The following MINDY2 variants were observed in gnomAD, a reference collection of about 807,000 sequenced individuals.
MINDY2 encodes the protein MINDY lysine 48 deubiquitinase 2.
In MINDY2, 52 loss-of-function variants were observed where a neutral mutation model predicts 68.2. That is an observed-to-expected ratio of 0.76 (90% CI 0.61 to 0.96). The LOEUF is 0.96. Ranked by LOEUF, MINDY2 falls within the 40% of genes least tolerant of loss-of-function variation. MINDY2 has a pLI of 0.00. For missense variants in MINDY2, 881 were observed against 773.4 expected, an observed-to-expected ratio of 1.14 and a Z score of -1.65; for synonymous variants, 372 against 303.0, an observed-to-expected ratio of 1.23 and a Z score of -2.36.
At chr15:58,845,022 A>ATAT (rs1344744383) in intron 6 of MINDY2, among the ~76,000 whole-genome samples, 1 of 152,010 alleles carries the variant, frequency 6.6e-6, no homozygotes, top group Non-Finnish European at 1.5e-5. Context: ...AGAACATATA[A>ATAT]GGAGCTCAAA....
chr15:58,821,723 G>A lies in MINDY2; in HGVS notation c.1129G>A (p.Asp377Asn). 6.4e-7 allele frequency: 1 copy of A among 1,563,338 alleles called. No individual in the cohort carries two copies. The highest frequency in any genetic ancestry group is 8.6e-7 in the Non-Finnish European group (1 of 1,161,124). Residue 377 changes from aspartate to asparagine, a missense_variant, in exon 5 of 9, where the codon GAC (aspartate) becomes AAC (asparagine). Physicochemically the swap from Asp to Asn is conservative, Grantham distance 23. Coordinates refer to ENST00000559228, the MANE Select transcript of MINDY2 (RefSeq NM_001040450.3). ...ACAGTCATTTGTTTTCTAGATTGAT[G>A]ACATTGTAAAAGCTGTTGGTAACTG... is the stretch of plus-strand genomic sequence containing the variant. ...HGWLVDPQIDDIVKAVGNCSY... is the reference protein window; with the variant it reads ...HGWLVDPQIDNIVKAVGNCSY...
chr15:58,771,446 C>T lies in MINDY2; in HGVS notation c.51C>T (p.Ala17=), dbSNP rs1361042514. 1.9e-6 allele frequency: 3 copies of T among 1,612,276 alleles called. No homozygotes were observed. The change falls in exon 1 of 9, where the codon GCC becomes GCT. Residue 17 remains alanine, a synonymous_variant. Transcript: ENST00000559228. ...AGCCGCTAGAACACGGGGTGGCGGC[C>T]GGGCCAGCGTCAGGGACAGGTTCTT... ...SLQPLEHGVA[A]GPASGTGSSQ...
intron 2 of MINDY2, among the ~76,000 whole-genome samples, chr15:58,796,666 G>T (rs1251825195): frequency 6.6e-6 from 1 of 152,156 alleles, no homozygotes; most frequent in East Asian, 1.9e-4. Flanking sequence ...TGGGATTATA[G>T]GCACCGCCAC....
chr15:58,826,615 G>A (rs990263359), intron 5 of MINDY2, among the ~76,000 whole-genome samples: 5 of 152,078 alleles, frequency 3.3e-5, no homozygotes, highest in African/African-American at 9.7e-5. Flanking sequence ...TGTCTCCTAA[G>A]AACAAGGAAT....
rs1296836613 is a variant in MINDY2, at chr15:58,786,284, G to T, written c.841-1622G>T. 1.3e-5 allele frequency among the ~76,000 whole-genome samples: 2 copies of T among 152,170 alleles called. 1 individual carries two copies. The highest frequency in any genetic ancestry group is 2.9e-5 in the Non-Finnish European group (2 of 68,018). ...ATTGCTGATTTAAAGGATTTCTTTG[G>T]ATGAACACAAAATAATTGGTGAAGA... On this transcript the variant is annotated intron_variant, in intron 1 of 8. Transcript: ENST00000559228.
At chr15:58,795,754 A>G (rs1373583137) in intron 2 of MINDY2, among the ~76,000 whole-genome samples, 3 of 150,194 alleles carry the variant, frequency 2.0e-5, no homozygotes, top group African/African-American at 7.4e-5. Context: ...ATAAACCATT[A>G]TAGTGTCTAA....
intron 7 of MINDY2, among the ~76,000 whole-genome samples, chr15:58,850,482 G>A (rs1443172979): frequency 6.6e-6 from 1 of 152,130 alleles, no homozygotes; most frequent in Admixed American, 6.5e-5. Flanking sequence ...TGATATTATG[G>A]TGATTTAAAC....
intron 5 of MINDY2, among the ~76,000 whole-genome samples, chr15:58,822,744 A>G (rs1427444092): frequency 7.9e-5 from 12 of 152,194 alleles, no homozygotes; most frequent in African/African-American, 2.9e-4. Context: ...AAGGCATAGC[A>G]TGTAGATATA....
intron 6 of MINDY2, among the ~76,000 whole-genome samples, chr15:58,839,943 G>A (rs576614728): frequency 1.3e-5 from 2 of 150,210 alleles, no homozygotes; most frequent in African/African-American, 4.9e-5. Context: ...AGCAATTCTC[G>A]TGCCTCAGCC....
chr15:58,800,055 G>A (rs868035165), intron 2 of MINDY2, among the ~76,000 whole-genome samples: 9 of 152,274 alleles, frequency 5.9e-5, no homozygotes, highest in East Asian at 3.8e-4. Flanking sequence ...GCTATAAAGC[G>A]AGGTCAATGT....
At chr15:58,821,597 C>T (rs2031064140) in intron 4 of MINDY2, 120 bp from the exon 5 acceptor site, 8 of 440,042 alleles carry the variant, frequency 1.8e-5, no homozygotes, top group Non-Finnish European at 2.8e-5. Context: ...TTTTGTTTTT[C>T]GTAAATAATA....
intron 5 of MINDY2, among the ~76,000 whole-genome samples, chr15:58,827,327 G>A (rs1314269469): frequency 6.6e-6 from 1 of 152,128 alleles, no homozygotes; most frequent in East Asian, 1.9e-4. Context: ...GCCTGAATCA[G>A]TTATTACTGT....
chr15:58,841,072 C>G (rs1174250175), intron 6 of MINDY2, among the ~76,000 whole-genome samples: 1 of 151,582 alleles, frequency 6.6e-6, no homozygotes, highest in Non-Finnish European at 1.5e-5. Context: ...ACCTCTGCCT[C>G]CCGGGTTCAA....
At chr15:58,791,331 G>T (rs1449898583) in intron 2 of MINDY2, among the ~76,000 whole-genome samples, 2 of 148,970 alleles carry the variant, frequency 1.3e-5, no homozygotes, top group Non-Finnish European at 3.0e-5. Flanking sequence ...TTCTGTATCT[G>T]TGCTGTCCAG....
intron 2 of MINDY2, among the ~76,000 whole-genome samples, chr15:58,799,155 A>G (rs1418186296): frequency 1.3e-5 from 2 of 152,256 alleles, no homozygotes; most frequent in Non-Finnish European, 2.9e-5. Flanking sequence ...TGCCTCACCA[A>G]AAGTAAACTT....
In MINDY2 at chr15:58,851,879, G is replaced by A; in HGVS notation, c.1651G>A (p.Glu551Lys). The A allele has an allele frequency of 6.2e-7, 1 of 1,613,626 alleles. No homozygotes were observed. Among genetic ancestry groups the A allele is most frequent in the Non-Finnish European group, 8.5e-7 (1 of 1,179,868 alleles). The stretch of plus-strand genomic sequence containing the variant: ...TTTGGAACTAGCAAAGAAACTCCAA[G>A]AGGAAGAGGACAGACGGGCTTCTCA... ...SDLELAKKLQEEEDRRASQYY... is the reference protein window; with the variant it reads ...SDLELAKKLQKEEDRRASQYY... The change falls in exon 8 of 9, where the codon GAG becomes AAG. Residue 551 changes from glutamate to lysine, a missense_variant. Coordinates refer to ENST00000559228, the MANE Select transcript of MINDY2 (RefSeq NM_001040450.3).
intron 8 of MINDY2, among the ~76,000 whole-genome samples, chr15:58,853,592 A>G (rs2032936048): frequency 6.6e-6 from 1 of 151,916 alleles, no homozygotes; most frequent in Non-Finnish European, 1.5e-5. Context: ...AGGCCAAGAC[A>G]GGTGGATCTC....
intron 4 of MINDY2, among the ~76,000 whole-genome samples, chr15:58,814,511 T>A (rs1327831289): frequency 6.6e-6 from 1 of 152,004 alleles, no homozygotes; most frequent in East Asian, 1.9e-4. Flanking sequence ...CTCAGCCTCC[T>A]AAGTAGCTGG....
intron 8 of MINDY2, among the ~76,000 whole-genome samples, chr15:58,852,569 T>C (rs2032874471): frequency 6.6e-6 from 1 of 152,188 alleles, no homozygotes; most frequent in African/African-American, 2.4e-5. Context: ...CTAGAAAAAA[T>C]AGACTTTGGA....
Sources: gnomAD v4.1 joint callset for allele counts (sites outside exome capture counted in the v4.1 genomes callset) on GRCh38, gnomAD v4.1.1 for gene constraint, MANE v1.5 for transcripts, NCBI Gene and HGNC (gene_info 2026-07-23, HGNC 2026-07-21) for gene names.